ARHGAP45: variants seen among roughly 807,000 people sequenced by gnomAD.
ARHGAP45 encodes the protein rho GTPase-activating protein 45.
In ARHGAP45, 56 loss-of-function variants were observed where a neutral mutation model predicts 116.1. The observed-to-expected ratio is 0.48, with a 90% CI of 0.39 to 0.60. The LOEUF (loss-of-function observed/expected upper bound fraction) is 0.60, where lower values mean the gene tolerates loss of function less well. Among genes scored for constraint, ARHGAP45 ranks in the 20% least tolerant of loss-of-function variants. ARHGAP45 has a pLI of 0.00. For synonymous variants in ARHGAP45, 866 were observed against 701.7 expected (o/e 1.23, Z -3.70); for missense variants, 1,622 against 1,601.0 (o/e 1.01, Z -0.22).
chr19:1,083,218 G>T lies in ARHGAP45; in HGVS notation c.2820G>T (p.Arg940=). Residue 940 remains arginine, a synonymous_variant, in exon 21 of 23, where the codon CGG becomes CGT. Coordinates refer to ENST00000313093, the MANE Select transcript of ARHGAP45 (RefSeq NM_012292.5). Reference sequence around the variant, plus strand: ...TCGTGTTCGGGCCCACGCTGCTTCGGCCACGGCCCACCGAGGCCACCGTGT... The same window carrying T: ...TCGTGTTCGGGCCCACGCTGCTTCGTCCACGGCCCACCGAGGCCACCGTGT... The part of the protein sequence containing the change: ...LGIVFGPTLL[R]PRPTEATVSL... 1 of 1,609,908 alleles carries T rather than the reference G, an allele frequency of 6.2e-7. No homozygotes were observed. The highest frequency in any genetic ancestry group is 8.5e-7 in the Non-Finnish European group (1 of 1,178,786).
chr19:1,077,025 G>A (rs1411818837), intron 10 of ARHGAP45: 27 of 985,206 alleles, frequency 2.7e-5, no homozygotes, highest in Non-Finnish European at 3.3e-5. Context: ...CATGGCGCCT[G>A]GCGGTCTCCT....
Position 1,086,262 on chromosome 19 carries a change from TGAAGTCACA to T in ARHGAP45, c.*258_*266del, listed in dbSNP as rs1404947766. 1.9e-4 allele frequency: 90 copies of T among 485,172 alleles called. 2 individuals are homozygous for T. The South Asian group carries it at 2.2e-3, about 12-fold the overall frequency. 30.1% of individuals were successfully genotyped at this position (485,172 alleles called of 1,614,324 possible). ...TGAGCTGGGGAACACTGCTGTCGTG[TGAAGTCACA>T]GTGGCCTTGTTGGTGCCCACAGGGC... is the stretch of plus-strand genomic sequence containing the variant. On this transcript the variant is annotated 3_prime_UTR_variant, in exon 23 of 23. Coordinates refer to ENST00000313093, the MANE Select transcript of ARHGAP45 (RefSeq NM_012292.5).
Position 1,067,442 on chromosome 19 carries a change from C to A in ARHGAP45, c.37C>A (p.Pro13Thr). ...GAAGAAACGAGAGCTCATGAAAACC[C>A]CTTCCATCTCGAAAAAGAACCGCGC... ...SRKKRELMKTPSISKKNRAGS... is the reference protein window; with the variant it reads ...SRKKRELMKTTSISKKNRAGS... Residue 13 changes from proline (P) to threonine (T), a missense_variant, in exon 1 of 23, where the codon CCT becomes ACT. Physicochemically the swap from Pro to Thr is conservative, Grantham distance 38. Coordinates refer to ENST00000313093, the MANE Select transcript of ARHGAP45 (RefSeq NM_012292.5). 1 of 1,605,096 alleles carries A rather than the reference C, an allele frequency of 6.2e-7. No homozygotes were observed. Among genetic ancestry groups the A allele is most frequent in the East Asian group, 2.2e-5 (1 of 44,530 alleles).
chr19:1,077,540 T>A (rs2043286024), intron 10 of ARHGAP45: 3 of 1,071,306 alleles, frequency 2.8e-6, no homozygotes, highest in Non-Finnish European at 3.7e-6. Context: ...TGCACCACAA[T>A]GCCCGGCTAA....
Position 1,074,883 on chromosome 19 carries a change from AGGCGGGCG to A in ARHGAP45, c.1185+11_1185+18del. On this transcript the variant is annotated splice_donor_5th_base_variant and intron_variant, in intron 10 of 22. Transcript: ENST00000313093. ...GCACCGTGCCCAGAGGAAGCTGGTG[AGGCGGGCG>A]GGCGGGGGCGGGCGGGGGCGGGCAG... 2 of 101,712 alleles carry A rather than the reference AGGCGGGCG, an allele frequency of 2.0e-5. No homozygotes were observed. The highest frequency in any genetic ancestry group is 2.0e-5 in the Non-Finnish European group (1 of 50,012). The allele number at this position is 101,712 out of a possible 1,614,324, so 6.3% of individuals were successfully genotyped here.
In ARHGAP45 at chr19:1,071,498, C is replaced by A. The variant is rs1320989387; in HGVS notation, c.422-1651C>A. 6 of 617,954 alleles carry A rather than the reference C, an allele frequency of 9.7e-6. No homozygotes were observed. In the Admixed American group the frequency reaches 3.1e-4, roughly 32 times the overall value. 38.3% of individuals were successfully genotyped at this position (617,954 alleles called of 1,614,324 possible). A position where few individuals can be genotyped will look rare whatever the true frequency, so the allele number is the denominator to read the frequency against. ...TGCGCACCTGGGCATCCCTGCGCTG[C>A]GCAGGGGTCGCGCCGGCCGCCGGCT... is the stretch of plus-strand genomic sequence containing the variant. On this transcript the variant is annotated intron_variant, in intron 2 of 22. Transcript: ENST00000313093. This position sits in a 1 kb window ranked among gnomAD's most constrained non-coding sequence, Gnocchi z 4.6.
In ARHGAP45 at chr19:1,080,671, T is replaced by A; in HGVS notation, c.1913-11T>A. 6.2e-7 allele frequency: 1 copy of A among 1,612,354 alleles called. No individual in the cohort carries two copies. Among genetic ancestry groups the A allele is most frequent in the Non-Finnish European group, 8.5e-7 (1 of 1,179,112 alleles). Reference sequence around the variant, plus strand: ...GCTGGGGGAGTCTGAACAGTCCTGATTCCCGCCCAGGGGACTTTAAGAAGT... The same window carrying A: ...GCTGGGGGAGTCTGAACAGTCCTGAATCCCGCCCAGGGGACTTTAAGAAGT... On this transcript the variant is annotated splice_polypyrimidine_tract_variant and intron_variant, in intron 15 of 22. Coordinates refer to ENST00000313093, the MANE Select transcript of ARHGAP45 (RefSeq NM_012292.5).
chr19:1,085,566 CCTGTCTCTCCCCATCTCTCCTGT>C (rs1234051931), intron 22 of ARHGAP45, 71 bp from the exon 23 acceptor site: 15 of 927,594 alleles, frequency 1.6e-5, no homozygotes, highest in Middle Eastern at 2.2e-4. Context: ...TCCCCCCTCT[CCTGTCTCTCCCCATCTCTCCTGT>C]CTGTCCCTCC....
rs201348186 is a variant in ARHGAP45 at position 1,085,846 on chromosome 19, A to AGGACGGGGACGGGGACGG, written c.3268_3269insGGGACGGGGACGGGGACG (p.Asp1089_Glu1090insGlyAspGlyAspGlyAsp). The AGGACGGGGACGGGGACGG allele has an allele frequency of 5.0e-6, 8 of 1,611,072 alleles. No individual in the cohort carries two copies. In the African/African-American group the frequency reaches 1.1e-4, roughly 22 times the overall value. ...GAGCAGCTGGAGGCCACAGCCCGGGAGGACGGGGACGGGGACGAGGACGGC... is the reference window on the plus strand; with the variant it reads ...GAGCAGCTGGAGGCCACAGCCCGGGAGGACGGGGACGGGGACGGGGACGGGGACGGGGACGAGGACGGC... On this transcript the variant is annotated inframe_insertion, in exon 23 of 23. Coordinates refer to ENST00000313093, the MANE Select transcript of ARHGAP45 (RefSeq NM_012292.5).
chr19:1,081,303 GC>G, intron 17 of ARHGAP45: 1 of 644,170 alleles, frequency 1.6e-6, no homozygotes, highest in African/African-American at 1.8e-5. Context: ...TGGGGCTGTG[GC>G]CAGAAGACCT....
chr19:1,075,033 C>T (rs536357986), intron 10 of ARHGAP45, among the ~76,000 whole-genome samples, 154 bp downstream of exon 10: 14 of 133,102 alleles, frequency 1.1e-4, no homozygotes, highest in South Asian at 2.3e-4. Flanking sequence ...GGCCGCCCCC[C>T]CCAACGCCAA....
Position 1,079,798 on chromosome 19 carries a change from G to C in ARHGAP45, c.1470G>C (p.Gln490His). 1 of 1,610,116 alleles carries C rather than the reference G, an allele frequency of 6.2e-7. No homozygotes were observed. Among genetic ancestry groups the C allele is most frequent in the Non-Finnish European group, 8.5e-7 (1 of 1,177,624 alleles). ...LEDTKVTALR[Q>H]IQEVIRQSDQ... The stretch of plus-strand genomic sequence containing the variant: ...ATACCAAGGTGACGGCGCTGCGGCA[G>C]ATCCAGGAGGTCATCCGGCAGAGCG... Residue 490 changes from glutamine (Q) to histidine (H), a missense_variant, in exon 12 of 23, where the codon CAG (glutamine) becomes CAC (histidine). Physicochemically the swap from Gln to His is conservative, Grantham distance 24. This residue lies in a region of ARHGAP45 where 1,334 missense variants were observed against 1,263.8 expected (regional missense o/e 1.06). Transcript: ENST00000313093.
chr19:1,082,277 GGCGGGGC>G (rs2043462365), intron 19 of ARHGAP45, among the ~76,000 whole-genome samples: 1 of 138,980 alleles, frequency 7.2e-6, no homozygotes, highest in African/African-American at 2.8e-5. Context: ...GCTGTGCGGG[GGCGGGGC>G]CGGGGCCGGG....
At chr19:1,079,679 C>G (rs776779782) in intron 11 of ARHGAP45, 24 bp from the exon 12 acceptor site, 1 of 1,611,454 alleles carries the variant, frequency 6.2e-7, no homozygotes, top group South Asian at 1.1e-5. Context: ...AGGCCTCTCT[C>G]TGTGCGCCCC....
In ARHGAP45 at chr19:1,069,902, G is replaced by A. The variant is rs2043107633; in HGVS notation, c.421+1158G>A. 6.7e-6 allele frequency among the ~76,000 whole-genome samples: 1 copy of A among 148,702 alleles called. No homozygotes were observed. Among genetic ancestry groups the A allele is most frequent in the Non-Finnish European group, 1.5e-5 (1 of 67,564 alleles). ...TGTGATTGAGGCTCACTGTTACCTT[G>A]AACTCCTGGGCTCAAGCCATCCTCC... On this transcript the variant is annotated intron_variant, in intron 2 of 22. Coordinates refer to ENST00000313093, the MANE Select transcript of ARHGAP45 (RefSeq NM_012292.5). This position sits in a 1 kb window ranked among gnomAD's most constrained non-coding sequence, Gnocchi z 4.1.
At chr19:1,075,665 C>G (rs1439363505) in intron 10 of ARHGAP45, among the ~76,000 whole-genome samples, 1 of 152,130 alleles carries the variant, frequency 6.6e-6, no homozygotes, top group Non-Finnish European at 1.5e-5. Context: ...CCAGGCTGGA[C>G]TGCAGTGACG....
intron 10 of ARHGAP45, chr19:1,077,052 C>T (rs774862189): frequency 3.0e-6 from 3 of 985,092 alleles, no homozygotes; most frequent in South Asian, 4.7e-5. Context: ...TGGATGAGTC[C>T]GTTTGTTTGT....
At chr19:1,080,655 G>A in intron 15 of ARHGAP45, 27 bp from the exon 16 acceptor site, 1 of 1,610,450 alleles carries the variant, frequency 6.2e-7, no homozygotes, top group South Asian at 1.1e-5. Flanking sequence ...GGCTGGGGGA[G>A]TCTGAACAGT....
At chr19:1,077,374 CTTTTTTTTTTTT>C in intron 10 of ARHGAP45, 4 of 920,776 alleles carry the variant, frequency 4.3e-6, no homozygotes, top group African/African-American at 2.2e-5. Flanking sequence ...TCCTCCCGTT[CTTTTTTTTTTTT>C]TTTTTTTTGA....
Sources: gnomAD v4.1 joint callset for allele counts (sites outside exome capture counted in the v4.1 genomes callset) on GRCh38, gnomAD v4.1.1 for gene constraint, gnomAD v4.1.1 regional missense constraint, Gnocchi (gnomAD v3.1) non-coding constraint, MANE v1.5 for transcripts, NCBI Gene and HGNC (gene_info 2026-07-23, HGNC 2026-07-21) for gene names.